The following ACADS variants were observed in gnomAD, a reference collection of about 807,000 sequenced individuals.
The protein encoded by ACADS is short-chain specific acyl-CoA dehydrogenase, mitochondrial.
A neutral mutation model predicts 46.8 loss-of-function variants in ACADS; 28 were observed. The ratio of observed to expected loss-of-function variants is 0.60; its 90% CI spans 0.44 to 0.82. The LOEUF is 0.82. Among genes scored for constraint, ACADS ranks in the 40% least tolerant of loss-of-function variants. The pLI is 0.00. For synonymous variants in ACADS, 236 were observed against 237.7 expected (o/e 0.99, Z 0.07); for missense variants, 528 against 578.0 (o/e 0.91, Z 0.89).
Position 120,737,066 on chromosome 12 carries a change from C to G in ACADS, c.291C>G (p.Ala97=). Residue 97 remains alanine (A), a synonymous_variant, in exon 3 of 10, where the codon GCC becomes GCG. Transcript: ENST00000242592. ...GCGGTGCTGGCCTCGATTACCTGGC[C>G]TACGCCATCGCCATGGAGGAGATCA... is the stretch of plus-strand genomic sequence containing the variant. The part of the protein sequence containing the change: ...ELGGAGLDYL[A]YAIAMEEISR... 1 of 1,605,002 alleles carries G rather than the reference C, an allele frequency of 6.2e-7. No individual in the cohort carries two copies. Among genetic ancestry groups the G allele is most frequent in the Non-Finnish European group, 8.5e-7 (1 of 1,176,026 alleles).
rs752978753 is a variant in ACADS, at chr12:120,738,451, G to T, written c.795+1G>T. On this transcript the variant is annotated splice_donor_variant, in intron 6 of 9. Coordinates refer to ENST00000242592, the MANE Select transcript of ACADS (RefSeq NM_000017.4). LOFTEE classifies it high-confidence loss of function. ...AGGGATGGGCTTCAAGATAGCCATG[G>T]TGAGCCCGGCAGTGGGGGTGGCACC... 2.5e-6 allele frequency: 4 copies of T among 1,609,270 alleles called. No individual in the cohort carries two copies. The South Asian group carries it at 4.4e-5, about 18-fold the overall frequency.
rs867846099 is a variant in ACADS at position 120,730,129 on chromosome 12, C to T, written c.210+2940C>T. Among the ~76,000 whole-genome samples, 19 of 152,144 alleles carry T rather than the reference C, an allele frequency of 1.2e-4. No individual in the cohort carries two copies. The Middle Eastern group carries it at 0.01, about 82-fold the overall frequency. On this transcript the variant is annotated intron_variant, in intron 2 of 9. Coordinates refer to ENST00000242592, the MANE Select transcript of ACADS (RefSeq NM_000017.4). The stretch of plus-strand genomic sequence containing the variant: ...TCCCAAGTAGCTGGAACTACAGGTG[C>T]GCACCACCACACCCGGCTAATTTTT...
At position 120,738,629 on chromosome 12, in the gene ACADS, A is replaced by T; in HGVS notation, c.892A>T (p.Met298Leu). 2 of 1,613,108 alleles carry T rather than the reference A, an allele frequency of 1.2e-6. No homozygotes were observed. Among genetic ancestry groups the T allele is most frequent in the Non-Finnish European group, 1.7e-6 (2 of 1,180,016 alleles). Residue 298 changes from methionine (M) to leucine (L), a missense_variant, in exon 7 of 10, where the codon ATG becomes TTG. Transcript: ENST00000242592. ...DCAVNYAENR[M>L]AFGAPLTKLQ... ...TGCTGTGAACTACGCTGAGAATCGC[A>T]TGGCCTTCGGGGCGCCCCTCACCAA...
At chr12:120,737,320 C>T in intron 3 of ACADS, 36 bp from the exon 4 acceptor site, 2 of 1,598,692 alleles carry the variant, frequency 1.3e-6, no homozygotes, top group African/African-American at 1.3e-5. Context: ...TGCGCCTGGG[C>T]CTGGGGCCTC....
intron 8 of ACADS, 48 bp downstream of exon 8, chr12:120,738,963 G>A: frequency 6.2e-7 from 1 of 1,609,408 alleles, no homozygotes; most frequent in Non-Finnish European, 8.5e-7. Context: ...GGTGGGCCCA[G>A]GGACGGGGAG....
intron 2 of ACADS, among the ~76,000 whole-genome samples, chr12:120,735,727 C>A (rs188776236): frequency 6.6e-6 from 1 of 151,702 alleles, no homozygotes. Flanking sequence ...GGTGAAAACC[C>A]GTCTCTACTA....
chr12:120,735,626 T>C (rs1198471765), intron 2 of ACADS, among the ~76,000 whole-genome samples: 1 of 151,964 alleles, frequency 6.6e-6, no homozygotes, highest in Non-Finnish European at 1.5e-5. Flanking sequence ...TGAGACTAGG[T>C]GTGGTGGCTC....
intron 8 of ACADS, 21 bp from the exon 9 acceptor site, chr12:120,739,119 T>C (rs1566028672): frequency 6.2e-7 from 1 of 1,613,004 alleles, no homozygotes; most frequent in Admixed American, 1.7e-5. Context: ...GGGAAGGCTC[T>C]GACTGTACCC....
intron 2 of ACADS, among the ~76,000 whole-genome samples, chr12:120,731,545 C>A (rs1883247572): frequency 6.6e-6 from 1 of 151,824 alleles, no homozygotes; most frequent in Non-Finnish European, 1.5e-5. Flanking sequence ...ACCTCCACCT[C>A]CTGGGTACAA....
At chr12:120,736,272 C>T (rs1411377868) in intron 2 of ACADS, among the ~76,000 whole-genome samples, 1 of 152,134 alleles carries the variant, frequency 6.6e-6, no homozygotes, top group African/African-American at 2.4e-5. Context: ...GTGATCACTG[C>T]TCCTGGCCCA....
chr12:120,739,483 C>T lies in ACADS; in HGVS notation c.*35C>T, dbSNP rs780588449. On this transcript the variant is annotated 3_prime_UTR_variant, in exon 10 of 10. Transcript: ENST00000242592. ...GGACTGCCCCAGGACTGCGGGAAGG[C>T]GCGGGAGCCAGGGGCCTCCACCCCA... The T allele has an allele frequency of 4.0e-5, 64 of 1,592,028 alleles. No individual in the cohort carries two copies. In the Middle Eastern group the frequency reaches 8.8e-4, roughly 22 times the overall value.
chr12:120,725,896 C>T lies in ACADS; in HGVS notation c.11C>T (p.Ala4Val), dbSNP rs569941838. 1.9e-6 allele frequency: 3 copies of T among 1,555,538 alleles called. No homozygotes were observed. The highest frequency in any genetic ancestry group is 2.6e-6 in the Non-Finnish European group (3 of 1,159,930). The change falls in exon 1 of 10, where the codon GCG becomes GTG. Residue 4 changes from alanine (A) to valine (V), a missense_variant. Ala to Val is a moderately conservative substitution (Grantham distance 64, BLOSUM62 0). Transcript: ENST00000242592. ...CTGTGTCTGTCGCCCATGGCCGCCG[C>T]GCTGCTCGCCCGGGCCTCGGGCCCT... MAA[A>V]LLARASGPAR...
At chr12:120,732,865 G>C (rs945106763) in intron 2 of ACADS, among the ~76,000 whole-genome samples, 7 of 152,294 alleles carry the variant, frequency 4.6e-5, no homozygotes, top group Admixed American at 3.3e-4. Flanking sequence ...GGAGGCCAAG[G>C]CAGGCGGCTG....
chr12:120,727,861 T>C (rs1174432594), intron 2 of ACADS, among the ~76,000 whole-genome samples: 13 of 152,098 alleles, frequency 8.5e-5, no homozygotes, highest in South Asian at 2.1e-4. Flanking sequence ...ATATACCCCA[T>C]GGACTCAGAC....
intron 8 of ACADS, 58 bp from the exon 9 acceptor site, chr12:120,739,082 G>A: frequency 6.2e-7 from 1 of 1,606,554 alleles, no homozygotes; most frequent in East Asian, 2.2e-5. Context: ...GGGAGTGGGG[G>A]AGCAGGGGAT....
chr12:120,738,591 C>T lies in ACADS; in HGVS notation c.854C>T (p.Thr285Ile). The change falls in exon 7 of 10, where the codon ACC becomes ATC. Residue 285 changes from threonine (T) to isoleucine (I), a missense_variant. Thr to Ile is a moderately conservative substitution (Grantham distance 89). Coordinates refer to ENST00000242592, the MANE Select transcript of ACADS (RefSeq NM_000017.4). ...IASQALGIAQTALDCAVNYAE... is the reference protein window; with the variant it reads ...IASQALGIAQIALDCAVNYAE... ...TCCCAGGCCCTGGGCATTGCCCAGACCGCCCTCGATTGTGCTGTGAACTAC... is the reference window on the plus strand; with the variant it reads ...TCCCAGGCCCTGGGCATTGCCCAGATCGCCCTCGATTGTGCTGTGAACTAC... The T allele has an allele frequency of 1.2e-6, 2 of 1,613,044 alleles. No individual in the cohort carries two copies. The highest frequency in any genetic ancestry group is 1.7e-6 in the Non-Finnish European group (2 of 1,180,026).
chr12:120,738,655 G>A lies in ACADS; in HGVS notation c.918G>A (p.Lys306=). The change falls in exon 7 of 10, where the codon AAG becomes AAA. Residue 306 remains lysine (K), a synonymous_variant. Transcript: ENST00000242592. ...NRMAFGAPLT[K]LQVIQFKLAD... Reference sequence around the variant, plus strand: ...TGGCCTTCGGGGCGCCCCTCACCAAGCTCCAGGTCATCCAGGTAATGGTGG... The same window carrying A: ...TGGCCTTCGGGGCGCCCCTCACCAAACTCCAGGTCATCCAGGTAATGGTGG... 2 of 1,612,334 alleles carry A rather than the reference G, an allele frequency of 1.2e-6. No homozygotes were observed. The highest frequency in any genetic ancestry group is 1.1e-5 in the South Asian group (1 of 91,086).
rs754038559 is a variant in ACADS at position 120,738,522 on chromosome 12, G to A, written c.796-11G>A. 4.4e-6 allele frequency: 7 copies of A among 1,607,668 alleles called. No individual in the cohort carries two copies. The highest frequency in any genetic ancestry group is 2.2e-5 in the East Asian group (1 of 44,872). ...CGGCTGGCGGGCCACTGACCAGGGC[G>A]GTCCCCACAGCAAACCCTGGACATG... On this transcript the variant is annotated splice_polypyrimidine_tract_variant and intron_variant, in intron 6 of 9. Coordinates refer to ENST00000242592, the MANE Select transcript of ACADS (RefSeq NM_000017.4).
chr12:120,728,100 C>A lies in ACADS; in HGVS notation c.210+911C>A, dbSNP rs753787124. On this transcript the variant is annotated intron_variant, in intron 2 of 9. Transcript: ENST00000242592. This position sits in a 1 kb window ranked among gnomAD's most constrained non-coding sequence, Gnocchi z 4.0. Reference sequence around the variant, plus strand: ...TAGCTGGGATTACAGGCGGGCACCACCACGCCCAGCTAGTTTTTGTACTTT... The same window carrying A: ...TAGCTGGGATTACAGGCGGGCACCAACACGCCCAGCTAGTTTTTGTACTTT... 2.6e-5 allele frequency among the ~76,000 whole-genome samples: 4 copies of A among 152,122 alleles called. No homozygotes were observed. The highest frequency in any genetic ancestry group is 5.9e-5 in the Non-Finnish European group (4 of 68,028).
Sources: allele counts gnomAD v4.1 joint callset (sites outside exome capture counted in the v4.1 genomes callset), GRCh38; gene constraint gnomAD v4.1.1; non-coding constraint Gnocchi (gnomAD v3.1); transcripts MANE v1.5; gene names NCBI Gene and HGNC (gene_info 2026-07-23, HGNC 2026-07-21).